The following RECK variants were observed in gnomAD, a reference collection of about 807,000 sequenced individuals.
RECK encodes the protein reversion-inducing cysteine-rich protein with Kazal motifs.
Under a neutral mutation model 115.1 loss-of-function variants are expected in RECK, and 69 were observed. That is an observed-to-expected ratio of 0.60 (90% confidence interval 0.49 to 0.73). The LOEUF is 0.73. Among genes scored for constraint, RECK ranks in the 30% least tolerant of loss-of-function variants. RECK has a pLI of 0.00. For synonymous variants in RECK, 414 were observed against 419.7 expected (o/e 0.99, Z 0.17); for missense variants, 1,047 against 1,203.7 (o/e 0.87, Z 1.93).
At position 36,091,320 on chromosome 9, in the gene RECK, T is replaced by A; in HGVS notation, c.1062T>A (p.Thr354=). 1.9e-6 allele frequency: 3 copies of A among 1,570,792 alleles called. No homozygotes were observed. Among genetic ancestry groups the A allele is most frequent in the Non-Finnish European group, 2.6e-6 (3 of 1,162,210 alleles). The change falls in exon 10 of 21, where the codon ACT becomes ACA. Residue 354 remains threonine (T), a synonymous_variant. Transcript: ENST00000377966. ...GCCAGTTGGGCTGTAGAAACCTTAC[T>A]TACTGTACTAATTTTAACAACAGGT... is the stretch of plus-strand genomic sequence containing the variant. ...EPCQLGCRNL[T]YCTNFNNRPT...
chr9:36,048,126 AATATATATATATATAT>A lies in RECK; in HGVS notation c.101-4120_101-4105del, dbSNP rs56726335. 2.1e-3 allele frequency among the ~76,000 whole-genome samples: 244 copies of A among 115,176 alleles called. 8 individuals carry two copies. Among genetic ancestry groups the A allele is most frequent in the South Asian group, 0.021 (73 of 3,450 alleles). 75.6% of individuals were successfully genotyped at this position (115,176 alleles called of 152,430 possible). On this transcript the variant is annotated intron_variant, in intron 1 of 20. Transcript: ENST00000377966. ...TACACACGCACAGACACACAGGTTG[AATATATATATATATAT>A]ATATATATATATATATATGTAAAAA...
Position 36,110,020 on chromosome 9 carries a change from G to T in RECK, c.1829G>T (p.Cys610Phe). ...VCSCFAGNLV[C>F]STRLCLSEHS... is the part of the protein sequence containing the mutation. Reference sequence around the variant, plus strand: ...TCTTGTTTTGCTGGCAATTTGGTGTGCTCTACCCGCCTTTGCCTCAGTGAG... The same window carrying T: ...TCTTGTTTTGCTGGCAATTTGGTGTTCTCTACCCGCCTTTGCCTCAGTGAG... Residue 610 changes from cysteine to phenylalanine, a missense_variant, in exon 15 of 21, where the codon TGC becomes TTC. Cys to Phe is a radical substitution (Grantham distance 205, BLOSUM62 -2). Transcript: ENST00000377966. The T allele has an allele frequency of 1.9e-6, 3 of 1,613,922 alleles. No individual in the cohort carries two copies. The highest frequency in any genetic ancestry group is 2.5e-6 in the Non-Finnish European group (3 of 1,179,844).
Position 36,064,001 on chromosome 9 carries a change from T to G in RECK, c.357+121T>G, listed in dbSNP as rs1223442716. On this transcript the variant is annotated intron_variant, in intron 5 of 20. Transcript: ENST00000377966. ...GAGGTAACCCGTAAAAACTGCAAATTTAGCATTTTTTGTATAGACCATTTC... is the reference window on the plus strand; with the variant it reads ...GAGGTAACCCGTAAAAACTGCAAATGTAGCATTTTTTGTATAGACCATTTC... 9.6e-6 allele frequency: 8 copies of G among 837,584 alleles called. No individual in the cohort carries two copies. The African/African-American group carries it at 1.4e-4, about 14-fold the overall frequency. 51.9% of individuals were successfully genotyped at this position (837,584 alleles called of 1,614,324 possible). A position where few individuals can be genotyped will look rare whatever the true frequency, so the allele number is the denominator to read the frequency against.
chr9:36,112,134 A>C (rs1178180703), intron 15 of RECK, among the ~76,000 whole-genome samples, 171 bp from the exon 16 acceptor site: 3 of 151,060 alleles, frequency 2.0e-5, no homozygotes, highest in African/African-American at 4.9e-5. Flanking sequence ...AAAAAAAAAA[A>C]AAAAAAAAAA....
chr9:36,043,289 G>A (rs572040905), intron 1 of RECK, among the ~76,000 whole-genome samples: 2 of 136,132 alleles, frequency 1.5e-5, no homozygotes, highest in African/African-American at 2.8e-5. Flanking sequence ...TGATCCACCC[G>A]CCTCGGCCTC....
rs764398915 is a variant in RECK at position 36,121,630 on chromosome 9, T to C, written c.2636T>C (p.Ile879Thr). The C allele has an allele frequency of 1.1e-5, 18 of 1,614,122 alleles. No individual in the cohort carries two copies. The highest frequency in any genetic ancestry group is 7.7e-5 in the South Asian group (7 of 91,088). The change falls in exon 20 of 21, where the codon ATT becomes ACT. Residue 879 changes from isoleucine to threonine, a missense_variant. Physicochemically the swap from Ile to Thr is moderately conservative, Grantham distance 89 (BLOSUM62 -1). Transcript: ENST00000377966. ...PQCDVFGYFS[I>T]ESEIVILIIP... ...TGTGATGTGTTTGGATACTTCAGCA[T>C]TGAATCAGAAATTGTGATCCTGATC...
At chr9:36,068,450 GCAGGCTTGCTACCTGGACCAGTCCTC>G (rs1333208088) in intron 6 of RECK, among the ~76,000 whole-genome samples, 3 of 152,170 alleles carry the variant, frequency 2.0e-5, no homozygotes, top group African/African-American at 7.2e-5. Flanking sequence ...TGGCAATAGG[GCAGGCTTGCTACCTGGACCAGTCCTC>G]CAGGTGAAAA....
In RECK at chr9:36,117,088, C is replaced by T. The variant is rs753434880; in HGVS notation, c.2164C>T (p.Pro722Ser). The change falls in exon 17 of 21, where the codon CCT becomes TCT. Residue 722 changes from proline (P) to serine (S), a missense_variant. Coordinates refer to ENST00000377966, the MANE Select transcript of RECK (RefSeq NM_021111.3). ...RQLACDQVQDPVCDTDHMEHN... is the reference protein window; with the variant it reads ...RQLACDQVQDSVCDTDHMEHN... ...GCTCGCGTGTGACCAGGTCCAAGAT[C>T]CTGTTTGTGACACAGACCACATGGA... The T allele has an allele frequency of 1.9e-6, 3 of 1,614,018 alleles. No individual in the cohort carries two copies. The highest frequency in any genetic ancestry group is 1.7e-5 in the Admixed American group (1 of 59,998).
At chr9:36,077,044 C>T (rs1371715996) in intron 6 of RECK, among the ~76,000 whole-genome samples, 1 of 152,106 alleles carries the variant, frequency 6.6e-6, no homozygotes, top group Admixed American at 6.6e-5. Context: ...CTGTCAACTC[C>T]AGTATGCTGA....
At chr9:36,077,380 A>G (rs1050922922) in intron 6 of RECK, among the ~76,000 whole-genome samples, 5 of 152,186 alleles carry the variant, frequency 3.3e-5, no homozygotes, top group African/African-American at 1.2e-4. Context: ...CATTATGTGT[A>G]TGTCCTAAGC....
intron 7 of RECK, among the ~76,000 whole-genome samples, chr9:36,082,761 T>A (rs979866516): frequency 6.6e-6 from 1 of 152,256 alleles, no homozygotes; most frequent in African/African-American, 2.4e-5. Context: ...AGATAGATGT[T>A]CAAACTGTAC....
chr9:36,058,796 C>T (rs768591902), intron 2 of RECK, 31 bp from the exon 3 acceptor site: 4 of 1,516,574 alleles, frequency 2.6e-6, no homozygotes, highest in African/African-American at 2.8e-5. Context: ...TAGAAAAATG[C>T]CACAAAAACT....
chr9:36,122,395 G>A (rs1444812749), intron 20 of RECK, among the ~76,000 whole-genome samples: 1 of 152,228 alleles, frequency 6.6e-6, no homozygotes, highest in Non-Finnish European at 1.5e-5. Flanking sequence ...GGTAACAGGT[G>A]TGGAAAAATG....
At chr9:36,039,388 C>G (rs1820787686) in intron 1 of RECK, among the ~76,000 whole-genome samples, 1 of 152,192 alleles carries the variant, frequency 6.6e-6, no homozygotes, top group Non-Finnish European at 1.5e-5. Context: ...GCTTGTATTC[C>G]TGCTCAGTCT....
chr9:36,115,260 A>T (rs1269877794), intron 16 of RECK, among the ~76,000 whole-genome samples: 1 of 152,030 alleles, frequency 6.6e-6, no homozygotes, highest in African/African-American at 2.4e-5. Context: ...GGTTGCAGTA[A>T]GCTGAGATCA....
At chr9:36,096,977 A>G (rs898492017) in intron 10 of RECK, among the ~76,000 whole-genome samples, 2 of 152,130 alleles carry the variant, frequency 1.3e-5, no homozygotes, top group Non-Finnish European at 2.9e-5. Flanking sequence ...TCCAGACTAC[A>G]TAAATAACTC....
In RECK at chr9:36,092,755, A is replaced by G. The variant is rs185189247; in HGVS notation, c.1085+1412A>G. ...CCACATTTGTGCACTTCTTCCTCATAGGCACTTTCAGTTTCTTTTCATGGG... is the reference window on the plus strand; with the variant it reads ...CCACATTTGTGCACTTCTTCCTCATGGGCACTTTCAGTTTCTTTTCATGGG... On this transcript the variant is annotated intron_variant, in intron 10 of 20. Transcript: ENST00000377966. 2.7e-3 allele frequency among the ~76,000 whole-genome samples: 416 copies of G among 151,956 alleles called. 3 individuals are homozygous for G. The highest frequency in any genetic ancestry group is 9.7e-3 in the African/African-American group (401 of 41,464).
chr9:36,057,535 G>A (rs1821577917), intron 2 of RECK, among the ~76,000 whole-genome samples: 1 of 152,122 alleles, frequency 6.6e-6, no homozygotes, highest in African/African-American at 2.4e-5. Context: ...CTTATAAAAG[G>A]AGCCAGGCAC....
At chr9:36,075,404 C>T (rs1822412148) in intron 6 of RECK, among the ~76,000 whole-genome samples, 1 of 152,128 alleles carries the variant, frequency 6.6e-6, no homozygotes, top group Admixed American at 6.5e-5. Context: ...CTATAAAGCT[C>T]ATTTCTGTTT....
Sources: allele counts gnomAD v4.1 joint callset (sites outside exome capture counted in the v4.1 genomes callset), GRCh38; gene constraint gnomAD v4.1.1; transcripts MANE v1.5; gene names NCBI Gene and HGNC (gene_info 2026-07-23, HGNC 2026-07-21).